NOTCH2: variants seen among roughly 807,000 people sequenced by gnomAD.
The protein encoded by NOTCH2 is notch receptor 2, also known as neurogenic locus notch homolog protein 2.
Under a neutral mutation model 235.8 loss-of-function variants are expected in NOTCH2, and 29 were observed. The ratio of observed to expected loss-of-function variants is 0.12; its 90% CI spans 0.09 to 0.17. The LOEUF (loss-of-function observed/expected upper bound fraction) is 0.17. Among genes scored for constraint, NOTCH2 ranks in the 10% least tolerant of loss-of-function variants. The pLI, the probability that NOTCH2 is intolerant of heterozygous loss-of-function variation, is 1.00. For synonymous variants in NOTCH2, 1,086 were observed against 1,141.5 expected (o/e 0.95, Z 0.98); for missense variants, 2,285 against 3,150.2 (o/e 0.73, Z 6.57).
At chr1:120,042,002 C>T (rs1345717847) in intron 1 of NOTCH2, among the ~76,000 whole-genome samples, 8 of 146,226 alleles carry the variant, frequency 5.5e-5, no homozygotes, top group African/African-American at 2.2e-4. Context: ...AGAGAAAGAG[C>T]AAGCGAGCGA....
rs1310982555 is a variant in NOTCH2 at position 120,003,620 on chromosome 1, T to C, written c.415+1709A>G. On this transcript the variant is annotated intron_variant, in intron 3 of 33. Transcript: ENST00000256646. The stretch of plus-strand genomic sequence containing the variant: ...AAAAAATGAAGAATGTTCCTCCTTT[T>C]CTCATCTAATTTAATAAACACTTTT... Among the ~76,000 whole-genome samples the C allele has an allele frequency of 2.0e-5, 3 of 151,240 alleles. No individual in the cohort carries two copies. In the South Asian group the frequency reaches 6.3e-4, roughly 32 times the overall value.
In NOTCH2 at chr1:119,915,322, ATGT is replaced by A. The variant is rs1288820640; in HGVS notation, c.7397_7399del (p.Asn2466del). 4.3e-6 allele frequency: 7 copies of A among 1,613,476 alleles called. No individual in the cohort carries two copies. Among genetic ancestry groups the A allele is most frequent in the Non-Finnish European group, 5.9e-6 (7 of 1,180,038 alleles). On this transcript the variant is annotated inframe_deletion, in exon 34 of 34. Coordinates refer to ENST00000256646, the MANE Select transcript of NOTCH2 (RefSeq NM_024408.4). ...TGGACTCTCTCACGCATAAACCTGC[ATGT>A]TGTTGTGTGGTGGCTCAGACATGTG...
In NOTCH2 at chr1:119,969,666, C is replaced by A. The variant is rs782615247; in HGVS notation, c.953G>T (p.Arg318Leu). 5 of 1,614,132 alleles carry A rather than the reference C, an allele frequency of 3.1e-6. No individual in the cohort carries two copies. The highest frequency in any genetic ancestry group is 4.2e-6 in the Non-Finnish European group (5 of 1,179,988). ...ACATACACAGCCATAGCCTCCATTG[C>A]GGTTGGCACAGGTGCCCCCATTTTG... ...ACQNGGTCANRNGGYGCVCVN... is the reference protein window; with the variant it reads ...ACQNGGTCANLNGGYGCVCVN... The change falls in exon 6 of 34, where the codon CGC becomes CTC. Residue 318 changes from arginine to leucine, a missense_variant. Arg to Leu is a moderately radical substitution (Grantham distance 102). Coordinates refer to ENST00000256646, the MANE Select transcript of NOTCH2 (RefSeq NM_024408.4).
At chr1:119,964,091 C>T (rs1279608540) in intron 10 of NOTCH2, among the ~76,000 whole-genome samples, 2 of 152,194 alleles carry the variant, frequency 1.3e-5, no homozygotes, top group African/African-American at 4.8e-5. Flanking sequence ...TCATTTCTTA[C>T]TAGGCTTCAG....
At chr1:119,937,193 T>A in intron 21 of NOTCH2, 89 bp downstream of exon 21, 1 of 1,264,336 alleles carries the variant, frequency 7.9e-7, no homozygotes, top group Non-Finnish European at 1.2e-6. Flanking sequence ...CAATATAAGA[T>A]ACAAGCAGCT....
Position 119,946,911 on chromosome 1 carries a change from C to T in NOTCH2, c.2752+1503G>A, listed in dbSNP as rs1430358812. On this transcript the variant is annotated intron_variant, in intron 17 of 33. Coordinates refer to ENST00000256646, the MANE Select transcript of NOTCH2 (RefSeq NM_024408.4). ...CAGGATGATTGTATCTGTAGAAAAT[C>T]CTAAGAATCTAAACTATCTAGAGGC... Among the ~76,000 whole-genome samples the T allele has an allele frequency of 5.3e-5, 8 of 152,146 alleles. No homozygotes were observed. In the East Asian group the frequency reaches 1.5e-3, roughly 29 times the overall value.
chr1:119,919,730 C>T (rs887983849), intron 30 of NOTCH2, 117 bp from the exon 31 acceptor site: 2 of 941,978 alleles, frequency 2.1e-6, no homozygotes, highest in Non-Finnish European at 3.3e-6. Flanking sequence ...CCCTGTACTT[C>T]TTGTAGTAAC....
intron 15 of NOTCH2, 124 bp downstream of exon 15, chr1:119,950,600 A>C: frequency 2.7e-6 from 2 of 748,778 alleles, no homozygotes; most frequent in Non-Finnish European, 4.9e-6. Context: ...GGCAGGAAGG[A>C]CAACTGAGGA....
At position 119,937,975 on chromosome 1, in the gene NOTCH2, T is replaced by G. The variant is rs145028923; in HGVS notation, c.3219A>C (p.Lys1073Asn). 6.2e-7 allele frequency: 1 copy of G among 1,614,182 alleles called. No individual in the cohort carries two copies. Among genetic ancestry groups the G allele is most frequent in the Non-Finnish European group, 8.5e-7 (1 of 1,180,036 alleles). The change falls in exon 20 of 34, where the codon AAA becomes AAC. Residue 1073 changes from lysine (K) to asparagine (N), a missense_variant. This residue lies in a region of NOTCH2 where 1,173 missense variants were observed against 1,515.3 expected (regional missense o/e 0.77). Transcript: ENST00000256646. ...TTTTCTGAACGCAAGTACCTTTGTT[T>G]TTACATGGAGACCGACTGCAGAGAT... ...LVNLCSRSPC[K>N]NKGTCVQKKA...
Position 120,039,409 on chromosome 1 carries a change from CT to C in NOTCH2, c.74-9423del, listed in dbSNP as rs1170358326. On this transcript the variant is annotated intron_variant, in intron 1 of 33. Transcript: ENST00000256646. ...CTTTTAGAAAACTCCCTTTTTAAAG[CT>C]TTTTTTTTTTTTTTTTGAGATGGAG... Among the ~76,000 whole-genome samples the C allele has an allele frequency of 6.1e-3, 781 of 127,000 alleles. 1 individual carries two copies. The highest frequency in any genetic ancestry group is 0.016 in the Middle Eastern group (4 of 254). 83.3% of individuals were successfully genotyped at this position (127,000 alleles called of 152,430 possible).
intron 26 of NOTCH2, among the ~76,000 whole-genome samples, chr1:119,923,234 A>G (rs1428687368): frequency 1.3e-5 from 2 of 152,204 alleles, no homozygotes; most frequent in African/African-American, 4.8e-5. Context: ...TATACCAACA[A>G]AGAGTGAGGT....
At chr1:119,975,874 C>G (rs1553200885) in intron 5 of NOTCH2, among the ~76,000 whole-genome samples, 1 of 152,062 alleles carries the variant, frequency 6.6e-6, no homozygotes, top group East Asian at 1.9e-4. Flanking sequence ...ACCCACAAAC[C>G]ACTAATCTGA....
At chr1:119,963,497 A>G (rs1651022579) in intron 11 of NOTCH2, 77 bp downstream of exon 11, 3 of 1,291,662 alleles carry the variant, frequency 2.3e-6, no homozygotes, top group Non-Finnish European at 3.4e-6. Flanking sequence ...GCATATGCCA[A>G]CAGTCTGAAA....
intron 27 of NOTCH2, 22 bp from the exon 28 acceptor site, chr1:119,922,468 G>A (rs1557805053): frequency 3.7e-6 from 6 of 1,603,032 alleles, no homozygotes; most frequent in African/African-American, 1.3e-5. Flanking sequence ...CAGAGACAGG[G>A]AAAGTGCTGA....
At position 120,051,263 on chromosome 1, in the gene NOTCH2, A is replaced by ACACG. The variant is rs1270417029; in HGVS notation, c.73+18070_73+18071insCGTG. Among the ~76,000 whole-genome samples, 2 of 103,090 alleles carry ACACG rather than the reference A, an allele frequency of 1.9e-5. 1 individual carries two copies. The highest frequency in any genetic ancestry group is 1.6e-4 in the African/African-American group (2 of 12,636). 67.6% of individuals were successfully genotyped at this position (103,090 alleles called of 152,430 possible). A position where few individuals can be genotyped will look rare whatever the true frequency, so the allele number is the denominator to read the frequency against. ...CACACACACACACACACACACACAC[A>ACACG]CACACACACACGCACACACACACAG... is the stretch of plus-strand genomic sequence containing the variant. On this transcript the variant is annotated intron_variant, in intron 1 of 33. Coordinates refer to ENST00000256646, the MANE Select transcript of NOTCH2 (RefSeq NM_024408.4).
chr1:119,984,300 G>C (rs1473585116), intron 5 of NOTCH2, among the ~76,000 whole-genome samples: 1 of 152,108 alleles, frequency 6.6e-6, no homozygotes, highest in Non-Finnish European at 1.5e-5. Context: ...AAAGACTACA[G>C]ATTTGAGCAA....
intron 17 of NOTCH2, among the ~76,000 whole-genome samples, chr1:119,945,259 A>G (rs1553196923): frequency 6.6e-6 from 1 of 152,204 alleles, no homozygotes; most frequent in Non-Finnish European, 1.5e-5. Context: ...GTATGTAGAT[A>G]AAATGTAATC....
chr1:120,069,189 A>C (rs868969738), intron 1 of NOTCH2, 145 bp downstream of exon 1: 1 of 1,527,646 alleles, frequency 6.5e-7, no homozygotes. Flanking sequence ...CGATGTCCAA[A>C]CTCTTGGGAA....
intron 5 of NOTCH2, among the ~76,000 whole-genome samples, chr1:119,979,415 A>G (rs1303365446): frequency 2.0e-5 from 3 of 152,232 alleles, no homozygotes; most frequent in Non-Finnish European, 4.4e-5. Flanking sequence ...ACCAGAAGAC[A>G]CAAAGGAACA....
Sources: gnomAD v4.1 joint callset for allele counts (sites outside exome capture counted in the v4.1 genomes callset) on GRCh38, gnomAD v4.1.1 for gene constraint, gnomAD v4.1.1 regional missense constraint, MANE v1.5 for transcripts, NCBI Gene and HGNC (gene_info 2026-07-23, HGNC 2026-07-21) for gene names.